The following GLB1L3 variants were observed in gnomAD, a reference collection of about 807,000 sequenced individuals.
The protein encoded by GLB1L3 is beta-galactosidase-1-like protein 3.
Under a neutral mutation model 89.5 loss-of-function variants are expected in GLB1L3, and 89 were observed. That is an observed-to-expected ratio of 0.99 (90% CI 0.84 to 1.19). The LOEUF is 1.19. Ranked by LOEUF, GLB1L3 falls within the 50% of genes most tolerant of loss-of-function variation. The pLI, the probability that GLB1L3 is intolerant of heterozygous loss-of-function variation, is 0.00. For missense variants in GLB1L3, 812 were observed against 813.3 expected (o/e 1.00, Z 0.02); for synonymous variants, 314 against 312.3 (o/e 1.01, Z -0.06).
intron 18 of GLB1L3, 130 bp downstream of exon 18, chr11:134,314,571 C>A (rs1293383358): frequency 1.5e-6 from 1 of 688,470 alleles, no homozygotes; most frequent in African/African-American, 1.8e-5. Flanking sequence ...CATCTCCAAC[C>A]AAGCCTTCCA....
chr11:134,291,202 G>A (rs369474389), intron 7 of GLB1L3, among the ~76,000 whole-genome samples: 2 of 152,034 alleles, frequency 1.3e-5, no homozygotes, highest in African/African-American at 2.4e-5. Context: ...ACACAAAATC[G>A]GTCGGTGTTC....
intron 10 of GLB1L3, among the ~76,000 whole-genome samples, chr11:134,307,802 G>A (rs566455122): frequency 2.0e-5 from 3 of 152,282 alleles, no homozygotes; most frequent in Admixed American, 1.3e-4. Context: ...TCATCCAAAC[G>A]TGAGGATTAT....
At chr11:134,301,368 C>T (rs1565406544) in intron 9 of GLB1L3, among the ~76,000 whole-genome samples, 1 of 152,156 alleles carries the variant, frequency 6.6e-6, no homozygotes, top group Non-Finnish European at 1.5e-5. Context: ...GTAGTTGTTA[C>T]AGTTTTTCTA....
At chr11:134,299,155 A>T (rs967720941) in intron 9 of GLB1L3, among the ~76,000 whole-genome samples, 3 of 149,798 alleles carry the variant, frequency 2.0e-5, no homozygotes, top group African/African-American at 4.9e-5. Context: ...TAGTATTTCC[A>T]TTTGCTTCTT....
intron 10 of GLB1L3, among the ~76,000 whole-genome samples, chr11:134,308,229 C>A (rs370307514): frequency 7.9e-5 from 2 of 25,232 alleles, no homozygotes; most frequent in Admixed American, 3.6e-4. Context: ...ACCATCACCA[C>A]CACCACCATC....
At chr11:134,291,626 T>C (rs1342630608) in intron 7 of GLB1L3, among the ~76,000 whole-genome samples, 1 of 152,194 alleles carries the variant, frequency 6.6e-6, no homozygotes, top group East Asian at 1.9e-4. Context: ...TAGTACTCTT[T>C]AGGAAATAAT....
In GLB1L3 at chr11:134,312,887, G is replaced by C; in HGVS notation, c.1500G>C (p.Arg500Ser). The C allele has an allele frequency of 6.2e-7, 1 of 1,600,628 alleles. No individual in the cohort carries two copies. The change falls in exon 15 of 20, where the codon AGG (arginine) becomes AGC (serine). Residue 500 changes from arginine (R) to serine (S), a missense_variant and splice_region_variant. Transcript: ENST00000431683. The part of the protein sequence containing the change: ...NNKDLHIPEL[R>S]DCRYLRILVE... ...AGGACCTGCACATTCCTGAACTCAG[G>C]GTATGTAATTTGAGAGTCCAGGTGA...
intron 6 of GLB1L3, among the ~76,000 whole-genome samples, chr11:134,286,500 G>A (rs1192247971): frequency 8.8e-6 from 1 of 113,802 alleles, no homozygotes; most frequent in South Asian, 3.1e-4. Flanking sequence ...TGGTGGCCGG[G>A]CGCGGTGGCT....
rs546801012 is a variant in GLB1L3 at position 134,314,499 on chromosome 11, TC to T, written c.1779+60del. 1.2e-5 allele frequency: 13 copies of T among 1,119,882 alleles called. No homozygotes were observed. The South Asian group carries it at 1.6e-4, about 14-fold the overall frequency. The allele number at this position is 1,119,882 out of a possible 1,614,324, so 69.4% of individuals were successfully genotyped here. On this transcript the variant is annotated intron_variant, in intron 18 of 19. Coordinates refer to ENST00000431683, the MANE Select transcript of GLB1L3 (RefSeq NM_001080407.3). ...AAACACCAATTTTATTTTTAAAGAG[TC>T]CTGAAGCAAAGCCAGCGTTCCTGGA...
chr11:134,301,819 A>G (rs1056178626), intron 9 of GLB1L3, among the ~76,000 whole-genome samples: 8 of 152,160 alleles, frequency 5.3e-5, no homozygotes, highest in Admixed American at 1.3e-4. Context: ...TGAGTATTCA[A>G]TATGATTGTT....
At chr11:134,289,284 T>G (rs1941203010) in intron 7 of GLB1L3, among the ~76,000 whole-genome samples, 1 of 152,104 alleles carries the variant, frequency 6.6e-6, no homozygotes, top group South Asian at 2.1e-4. Flanking sequence ...GGTAAAGGTC[T>G]TTATCCTCAT....
chr11:134,277,246 C>T (rs1161849976), intron 1 of GLB1L3, 80 bp from the exon 2 acceptor site: 2 of 1,595,404 alleles, frequency 1.3e-6, no homozygotes. Flanking sequence ...TCTAAAGCGC[C>T]CCCGGCACAG....
chr11:134,297,774 C>T (rs999816906), intron 9 of GLB1L3, among the ~76,000 whole-genome samples: 2 of 146,832 alleles, frequency 1.4e-5, no homozygotes, highest in Non-Finnish European at 3.0e-5. Flanking sequence ...GCAGGAGAAT[C>T]GCTTGAACCC....
At chr11:134,301,455 G>A (rs771978010) in intron 9 of GLB1L3, among the ~76,000 whole-genome samples, 8 of 152,128 alleles carry the variant, frequency 5.3e-5, no homozygotes, top group South Asian at 2.1e-4. Context: ...TTTAATGGCC[G>A]TATCATTTGT....
intron 6 of GLB1L3, among the ~76,000 whole-genome samples, chr11:134,285,142 A>T (rs1315528250): frequency 6.6e-6 from 1 of 151,932 alleles, no homozygotes; most frequent in Non-Finnish European, 1.5e-5. Context: ...GTTAGCCAGG[A>T]TGGTCTTGAT....
intron 9 of GLB1L3, among the ~76,000 whole-genome samples, chr11:134,293,611 A>T (rs942458886): frequency 6.6e-6 from 1 of 152,074 alleles, no homozygotes; most frequent in Non-Finnish European, 1.5e-5. Context: ...TTGTACCTGC[A>T]CTGATTTAAG....
intron 1 of GLB1L3, 136 bp from the exon 2 acceptor site, chr11:134,277,190 C>T: frequency 1.8e-6 from 2 of 1,120,704 alleles, no homozygotes; most frequent in Non-Finnish European, 1.3e-6. Flanking sequence ...CCTGGGCCCG[C>T]CTGGAAGACC....
chr11:134,290,217 G>A (rs977698791), intron 7 of GLB1L3, among the ~76,000 whole-genome samples: 2 of 152,218 alleles, frequency 1.3e-5, no homozygotes, highest in South Asian at 2.1e-4. Flanking sequence ...TTATTTAATC[G>A]GTTGTATTCA....
chr11:134,276,856 G>A (rs1248410554), intron 1 of GLB1L3, 93 bp downstream of exon 1: 7 of 1,138,014 alleles, frequency 6.2e-6, no homozygotes, highest in African/African-American at 1.6e-5. Flanking sequence ...CCGGCCACGC[G>A]CCCCAGGCAC....
Sources: gnomAD v4.1 joint callset for allele counts (sites outside exome capture counted in the v4.1 genomes callset) on GRCh38, gnomAD v4.1.1 for gene constraint, MANE v1.5 for transcripts, NCBI Gene and HGNC (gene_info 2026-07-23, HGNC 2026-07-21) for gene names.